Variants in GPD2 observed in about 807,000 individuals in gnomAD.
GPD2 encodes glycerol-3-phosphate dehydrogenase 2.
A neutral mutation model predicts 82.4 loss-of-function variants in GPD2; 54 were observed. The observed-to-expected ratio is 0.66, with a 90% CI of 0.53 to 0.82. GPD2 has a LOEUF of 0.82. Ranked by LOEUF, GPD2 falls within the 40% of genes least tolerant of loss-of-function variation. GPD2 has a pLI of 0.00. For missense variants in GPD2, 748 were observed against 896.2 expected (o/e 0.83, Z 2.11); for synonymous variants, 288 against 306.1 (o/e 0.94, Z 0.62).
chr2:156,562,769 C>T (rs1410565667), intron 9 of GPD2, among the ~76,000 whole-genome samples: 4 of 151,976 alleles, frequency 2.6e-5, no homozygotes, highest in African/African-American at 4.8e-5. Context: ...TTCAATTAGC[C>T]GTGAAAATTG....
At chr2:156,451,079 G>A (rs1473382286) in intron 1 of GPD2, among the ~76,000 whole-genome samples, 3 of 146,750 alleles carry the variant, frequency 2.0e-5, no homozygotes, top group Non-Finnish European at 3.0e-5. Flanking sequence ...ACACAGACAC[G>A]GCAACCATCC....
chr2:156,516,353 C>T (rs958992318), intron 6 of GPD2, among the ~76,000 whole-genome samples: 11 of 152,118 alleles, frequency 7.2e-5, no homozygotes, highest in African/African-American at 2.7e-4. Flanking sequence ...TTAAAGTGAA[C>T]AGAAATAATT....
chr2:156,413,772 C>T, the GPD2 span, among the ~76,000 whole-genome samples: 5 of 140,112 alleles, frequency 3.6e-5, no homozygotes, highest in South Asian at 2.3e-4. Context: ...GGCGTGGTGG[C>T]GCATGCCTGT....
chr2:156,431,486 C>CT (rs35926444), upstream of GPD2, among the ~76,000 whole-genome samples: 22 of 147,674 alleles, frequency 1.5e-4, no homozygotes, highest in African/African-American at 4.0e-4. Flanking sequence ...TTGTTTTTTG[C>CT]TTTTTTTTTT....
intron 9 of GPD2, among the ~76,000 whole-genome samples, chr2:156,565,652 C>A (rs1687361562): frequency 6.6e-6 from 1 of 152,074 alleles, no homozygotes; most frequent in African/African-American, 2.4e-5. Flanking sequence ...TGATGGGTAT[C>A]TACTCTTTCA....
chr2:156,555,396 A>G (rs956369950), intron 8 of GPD2, among the ~76,000 whole-genome samples: 8 of 152,198 alleles, frequency 5.3e-5, no homozygotes, highest in East Asian at 1.9e-4. Context: ...GTTGATGAAT[A>G]TTATAATTTT....
At chr2:156,408,757 G>A in the GPD2 span, among the ~76,000 whole-genome samples, 1 of 151,110 alleles carries the variant, frequency 6.6e-6, no homozygotes, top group Non-Finnish European at 1.5e-5. Flanking sequence ...AATGCAGCCA[G>A]CTCCTGAAGG....
intron 2 of GPD2, among the ~76,000 whole-genome samples, chr2:156,480,065 A>G (rs974873363): frequency 6.6e-6 from 1 of 152,178 alleles, no homozygotes; most frequent in Non-Finnish European, 1.5e-5. Flanking sequence ...TTAATAATAC[A>G]CTTTTAATTG....
the GPD2 span, among the ~76,000 whole-genome samples, chr2:156,411,455 A>G: frequency 6.6e-6 from 1 of 151,998 alleles, no homozygotes; most frequent in East Asian, 1.9e-4. Flanking sequence ...AGCTGGGATT[A>G]CAGGCACCCA....
In GPD2 at chr2:156,583,196, G is replaced by A; in HGVS notation, c.*278G>A. 2.5e-6 allele frequency: 1 copy of A among 405,652 alleles called. No individual in the cohort carries two copies. Among genetic ancestry groups the A allele is most frequent in the Non-Finnish European group, 4.6e-6 (1 of 215,202 alleles). 25.1% of individuals were successfully genotyped at this position (405,652 alleles called of 1,614,324 possible). ...GCATCTGTTTTGTGACCTGTTAGAT[G>A]TGACACATTCTCTTTTTGTTTATTC... On this transcript the variant is annotated 3_prime_UTR_variant, in exon 17 of 17. Transcript: ENST00000438166.
chr2:156,403,161 A>G, the GPD2 span, among the ~76,000 whole-genome samples: 2 of 151,572 alleles, frequency 1.3e-5, no homozygotes, highest in African/African-American at 4.8e-5. Flanking sequence ...AAAAAGTCTT[A>G]TGTAAAACAT....
chr2:156,474,257 C>T (rs1683429085), intron 1 of GPD2, among the ~76,000 whole-genome samples: 1 of 152,026 alleles, frequency 6.6e-6, no homozygotes, highest in African/African-American at 2.4e-5. Flanking sequence ...TTATAGTATC[C>T]TAAAATGAGT....
intron 1 of GPD2, among the ~76,000 whole-genome samples, chr2:156,460,564 T>C (rs683747): frequency 0.91 from 137,903 of 152,028 alleles, 63,748 homozygotes; most frequent in South Asian, 1. Context: ...GTGGGAAATG[T>C]TCTGGGTGCG....
At chr2:156,497,087 GGGTATTAGCGT>G (rs1331468301) in intron 3 of GPD2, among the ~76,000 whole-genome samples, 2 of 152,156 alleles carry the variant, frequency 1.3e-5, no homozygotes, top group Non-Finnish European at 2.9e-5. Context: ...TTTTGGCTGT[GGGTATTAGCGT>G]GGAATTTGGA....
intron 1 of GPD2, among the ~76,000 whole-genome samples, chr2:156,439,272 A>AC (rs1168715746): frequency 6.6e-6 from 1 of 151,956 alleles, no homozygotes; most frequent in East Asian, 1.9e-4. Flanking sequence ...CCTTTAACAC[A>AC]CTTGCTTAAA....
intron 9 of GPD2, among the ~76,000 whole-genome samples, chr2:156,560,190 C>T (rs888002272): frequency 3.3e-5 from 5 of 152,116 alleles, no homozygotes; most frequent in African/African-American, 2.4e-5. Flanking sequence ...AGAAGGCTGC[C>T]GTGCCCATAT....
At chr2:156,576,905 C>A (rs1687841596) in intron 13 of GPD2, among the ~76,000 whole-genome samples, 1 of 152,060 alleles carries the variant, frequency 6.6e-6, no homozygotes, top group South Asian at 2.1e-4. Flanking sequence ...AGTGGTGGAA[C>A]AGCAAAATAA....
intron 6 of GPD2, among the ~76,000 whole-genome samples, chr2:156,547,816 G>A (rs1686605037): frequency 6.6e-6 from 1 of 152,218 alleles, no homozygotes; most frequent in Non-Finnish European, 1.5e-5. Flanking sequence ...AGAGTCAGAT[G>A]AATGTATAAC....
chr2:156,485,210 T>C (rs1321570160), intron 2 of GPD2, among the ~76,000 whole-genome samples: 1 of 152,230 alleles, frequency 6.6e-6, no homozygotes, highest in Non-Finnish European at 1.5e-5. Flanking sequence ...ACATTCTGCA[T>C]AGGATATCTA....
Sources: allele counts gnomAD v4.1 joint callset (sites outside exome capture counted in the v4.1 genomes callset), GRCh38; gene constraint gnomAD v4.1.1; transcripts MANE v1.5; gene names NCBI Gene and HGNC (gene_info 2026-07-23, HGNC 2026-07-21).